GRIA4: variants seen among roughly 807,000 people sequenced by gnomAD.
GRIA4 encodes glutamate ionotropic receptor AMPA type subunit 4.
GRIA4 carries 34 observed loss-of-function variants against 104.0 expected under a neutral mutation model. The ratio of observed to expected loss-of-function variants is 0.33; its 90% confidence interval spans 0.25 to 0.44. The LOEUF (loss-of-function observed/expected upper bound fraction) is 0.44. Among genes scored for constraint, GRIA4 ranks in the 20% least tolerant of loss-of-function variants. The probability of loss-of-function intolerance (pLI) is 1.00; values close to 1 mark genes in which losing one functional copy is unlikely to be tolerated. For missense variants in GRIA4, 750 were observed against 1,096.5 expected, an observed-to-expected ratio of 0.68 and a Z score of 4.46; for synonymous variants, 386 against 381.9, an observed-to-expected ratio of 1.01 and a Z score of -0.13.
At chr11:105,894,888 T>C (rs1236993623) in intron 6 of GRIA4, among the ~76,000 whole-genome samples, 2 of 106,788 alleles carry the variant, frequency 1.9e-5, no homozygotes, top group African/African-American at 3.5e-5. Flanking sequence ...CAAGCTCCGC[T>C]TCCCGGGTTC....
intron 3 of GRIA4, chr11:105,613,985 G>A (rs1419364154): frequency 6.6e-6 from 1 of 151,908 alleles, no homozygotes; most frequent in African/African-American, 2.4e-5. Context: ...ATAGTTTTAT[G>A]TTCCAAGTTT....
chr11:105,813,112 A>AAAAC (rs1565256572), intron 4 of GRIA4, among the ~76,000 whole-genome samples: 1 of 145,262 alleles, frequency 6.9e-6, no homozygotes, highest in Non-Finnish European at 1.5e-5. Flanking sequence ...AAAAAAAAAA[A>AAAAC]AAAGAAGAAA....
At chr11:105,782,706 A>C (rs565055554) in intron 4 of GRIA4, among the ~76,000 whole-genome samples, 1 of 152,208 alleles carries the variant, frequency 6.6e-6, no homozygotes, top group Admixed American at 6.5e-5. Flanking sequence ...ATTATAGGTA[A>C]ATTTTTGTGT....
At chr11:105,943,171 A>G (rs2136227783) in intron 14 of GRIA4, among the ~76,000 whole-genome samples, 1 of 152,298 alleles carries the variant, frequency 6.6e-6, no homozygotes, top group South Asian at 2.1e-4. Flanking sequence ...TTCTTTACTA[A>G]ATAGCTGCTT....
Position 105,645,093 on chromosome 11 carries a change from G to T in GRIA4, c.247+32659G>T, listed in dbSNP as rs1438204807. ...GGCGCAATACGACCATTCTATTTTG[G>T]TTTGCAGATGCAGCTTCATAATCAG... On this transcript the variant is annotated intron_variant, in intron 3 of 16. Coordinates refer to ENST00000282499, the MANE Select transcript of GRIA4 (RefSeq NM_000829.4). Among the ~76,000 whole-genome samples, 3 of 152,134 alleles carry T rather than the reference G, an allele frequency of 2.0e-5. No individual in the cohort carries two copies. The South Asian group carries it at 6.2e-4, about 31-fold the overall frequency.
At chr11:105,845,010 A>G (rs1187705172) in intron 4 of GRIA4, among the ~76,000 whole-genome samples, 1 of 152,216 alleles carries the variant, frequency 6.6e-6, no homozygotes, top group Non-Finnish European at 1.5e-5. Flanking sequence ...CTGGTAATCT[A>G]TTGCTGTATA....
At chr11:105,802,435 T>G (rs977325249) in intron 4 of GRIA4, among the ~76,000 whole-genome samples, 3 of 152,146 alleles carry the variant, frequency 2.0e-5, no homozygotes, top group Non-Finnish European at 2.9e-5. Flanking sequence ...AACACTTGAT[T>G]AACCTCTTCA....
At chr11:105,837,182 A>T (rs1443081509) in intron 4 of GRIA4, among the ~76,000 whole-genome samples, 2 of 151,810 alleles carry the variant, frequency 1.3e-5, no homozygotes, top group Non-Finnish European at 1.5e-5. Context: ...GAGGGAAACC[A>T]CCCCCATGAT....
At chr11:105,656,307 T>G (rs549734289) in intron 3 of GRIA4, among the ~76,000 whole-genome samples, 2 of 152,252 alleles carry the variant, frequency 1.3e-5, no homozygotes, top group East Asian at 3.9e-4. Flanking sequence ...TTGGGAAAAC[T>G]GGCTAGCCAT....
At chr11:105,615,538 T>C (rs1950578565) in intron 3 of GRIA4, among the ~76,000 whole-genome samples, 1 of 151,864 alleles carries the variant, frequency 6.6e-6, no homozygotes, top group Non-Finnish European at 1.5e-5. Context: ...ATAGCCCTTG[T>C]AGTCAAATTT....
chr11:105,854,234 GAATAGAAAAGC>G (rs1944928386), intron 4 of GRIA4, among the ~76,000 whole-genome samples: 1 of 152,082 alleles, frequency 6.6e-6, no homozygotes, highest in Non-Finnish European at 1.5e-5. Flanking sequence ...CAGAGAAGAG[GAATAGAAAAGC>G]ACAGGATGAA....
chr11:105,746,721 T>C (rs1301159836), intron 3 of GRIA4, among the ~76,000 whole-genome samples: 2 of 152,148 alleles, frequency 1.3e-5, no homozygotes, highest in Non-Finnish European at 2.9e-5. Context: ...TTATAACTGA[T>C]AACTTTTTCA....
chr11:105,735,942 T>A (rs947943680), intron 3 of GRIA4, among the ~76,000 whole-genome samples: 1 of 152,142 alleles, frequency 6.6e-6, no homozygotes, highest in Non-Finnish European at 1.5e-5. Context: ...ATGTGCAAAT[T>A]TAAGTGAAGA....
intron 4 of GRIA4, among the ~76,000 whole-genome samples, chr11:105,784,886 G>T (rs960547484): frequency 6.6e-6 from 1 of 152,118 alleles, no homozygotes; most frequent in African/African-American, 2.4e-5. Flanking sequence ...GCCATGATTT[G>T]TAAATTAGAG....
chr11:105,819,634 C>A (rs1279373305), intron 4 of GRIA4, among the ~76,000 whole-genome samples: 1 of 151,934 alleles, frequency 6.6e-6, no homozygotes, highest in Non-Finnish European at 1.5e-5. Flanking sequence ...TGAAACGCTC[C>A]TGGGTAGGGG....
chr11:105,741,535 C>G (rs747350675), intron 3 of GRIA4, among the ~76,000 whole-genome samples: 3 of 152,082 alleles, frequency 2.0e-5, no homozygotes, highest in Non-Finnish European at 4.4e-5. Flanking sequence ...GATAAGCTGT[C>G]AGGTAAGAGG....
chr11:105,895,145 C>G (rs1371075080), intron 6 of GRIA4, among the ~76,000 whole-genome samples: 1 of 152,140 alleles, frequency 6.6e-6, no homozygotes, highest in Non-Finnish European at 1.5e-5. Context: ...AAAACACTCT[C>G]CTTCATTCCC....
chr11:105,972,850 C>G (rs1031583811), intron 15 of GRIA4, among the ~76,000 whole-genome samples: 1 of 152,044 alleles, frequency 6.6e-6, no homozygotes, highest in Non-Finnish European at 1.5e-5. Context: ...TCTTGGAATC[C>G]CCTTTTATTT....
At chr11:105,626,455 T>C (rs987560649) in intron 3 of GRIA4, among the ~76,000 whole-genome samples, 46 of 152,260 alleles carry the variant, frequency 3.0e-4, no homozygotes, top group African/African-American at 1.1e-3. Context: ...CTAATTTTGG[T>C]GGTACAGATG....
Sources: gnomAD v4.1 joint callset for allele counts (sites outside exome capture counted in the v4.1 genomes callset) on GRCh38, gnomAD v4.1.1 for gene constraint, MANE v1.5 for transcripts, NCBI Gene and HGNC (gene_info 2026-07-23, HGNC 2026-07-21) for gene names.